TRPM1: variants seen among roughly 807,000 people sequenced by gnomAD.
TRPM1 encodes TRPM1-203 APA Isoform, Intron 10.
Under a neutral mutation model 149.4 loss-of-function variants are expected in TRPM1, and 113 were observed. The ratio of observed to expected loss-of-function variants is 0.76; its 90% CI spans 0.65 to 0.88. The LOEUF (loss-of-function observed/expected upper bound fraction) is 0.88. Ranked by LOEUF, TRPM1 falls within the 40% of genes least tolerant of loss-of-function variation. TRPM1 has a pLI of 0.00. For synonymous variants in TRPM1, 741 were observed against 759.5 expected (o/e 0.98, Z 0.40); for missense variants, 1,976 against 2,038.7 (o/e 0.97, Z 0.59).
chr15:31,113,288 C>T (rs1006171025), intron 1 of TRPM1, among the ~76,000 whole-genome samples: 2 of 152,198 alleles, frequency 1.3e-5, no homozygotes, highest in Non-Finnish European at 2.9e-5. Flanking sequence ...CCTGCTCCTC[C>T]CTAACTCTCC....
At chr15:31,159,822 C>T (rs1056164969) in intron 1 of TRPM1, among the ~76,000 whole-genome samples, 27 of 152,146 alleles carry the variant, frequency 1.8e-4, no homozygotes, top group African/African-American at 6.3e-4. Context: ...GCCTAGGGCT[C>T]TGTTTTTAGC....
chr15:31,140,098 G>A (rs1359610712), intron 1 of TRPM1, among the ~76,000 whole-genome samples: 3 of 151,998 alleles, frequency 2.0e-5, no homozygotes, highest in Admixed American at 2.0e-4. Context: ...TGGGCACGGT[G>A]GCTCATGCCT....
intron 1 of TRPM1, among the ~76,000 whole-genome samples, chr15:31,158,908 G>C (rs2036411299): frequency 6.6e-6 from 1 of 152,044 alleles, no homozygotes. Flanking sequence ...CCAAGTCTGG[G>C]TCTGTTTAGT....
chr15:31,036,672 C>G (rs2033391002), intron 20 of TRPM1, among the ~76,000 whole-genome samples: 1 of 152,236 alleles, frequency 6.6e-6, no homozygotes. Context: ...GGCTTCCTGG[C>G]CCCATCTCCG....
chr15:31,026,926 T>C lies in TRPM1; in HGVS notation c.3485A>G (p.Asp1162Gly), dbSNP rs926064262. The C allele has an allele frequency of 5.0e-6, 8 of 1,612,524 alleles. No homozygotes were observed. In the African/African-American group the frequency reaches 1.1e-4, roughly 22 times the overall value. Reference protein sequence around the residue: ...KKREGDQEERDRGLKLFLSDE... With the variant: ...KKREGDQEERGRGLKLFLSDE... ...AGCCCTGCACATACTCAATCCACGA[T>C]CCCGTTCCTCTTGGTCCCCTTCTCT... Residue 1162 changes from aspartate to glycine, a missense_variant, in exon 26 of 28, where the codon GAT (aspartate) becomes GGT (glycine). Around this residue, in one of 3 missense-constraint regions of TRPM1, gnomAD observed 572 missense variants for 578.9 expected, o/e 0.99. Transcript: ENST00000256552.
At chr15:31,102,322 G>C (rs1211837832), upstream of TRPM1, among the ~76,000 whole-genome samples, 1 of 152,224 alleles carries the variant, frequency 6.6e-6, no homozygotes, top group East Asian at 1.9e-4. Flanking sequence ...TGGATTTGCT[G>C]TAACAGTATG....
At chr15:31,065,665 G>T (rs1428036895) in intron 7 of TRPM1, among the ~76,000 whole-genome samples, 1 of 152,088 alleles carries the variant, frequency 6.6e-6, no homozygotes, top group East Asian at 1.9e-4. Flanking sequence ...TACATGAAAG[G>T]CCCAGCATTA....
chr15:31,045,786 G>T (rs1426431473), intron 16 of TRPM1, among the ~76,000 whole-genome samples: 3 of 152,206 alleles, frequency 2.0e-5, no homozygotes, highest in South Asian at 4.1e-4. Context: ...ATTAGCACCT[G>T]CTGAGAGATG....
chr15:31,100,256 T>C (rs1439051705), intron 1 of TRPM1, among the ~76,000 whole-genome samples: 2 of 151,922 alleles, frequency 1.3e-5, no homozygotes, highest in African/African-American at 4.8e-5. Context: ...TTTGTATTTT[T>C]AGTAGAGACA....
chr15:31,086,480 C>A lies in TRPM1; in HGVS notation c.-83-5042G>T, dbSNP rs562359071. 5.3e-5 allele frequency among the ~76,000 whole-genome samples: 8 copies of A among 152,338 alleles called. No homozygotes were observed. The East Asian group carries it at 1.5e-3, about 29-fold the overall frequency. On this transcript the variant is annotated intron_variant, in intron 1 of 27. Transcript: ENST00000256552. Reference sequence around the variant, plus strand: ...AGAGGGGACCCAGGCACAGCCCGGGCTTTTTGGCATCATGCTCTTTCGAGG... The same window carrying A: ...AGAGGGGACCCAGGCACAGCCCGGGATTTTTGGCATCATGCTCTTTCGAGG...
chr15:31,037,229 C>T (rs570150410), intron 20 of TRPM1, among the ~76,000 whole-genome samples: 2 of 152,212 alleles, frequency 1.3e-5, no homozygotes, highest in Admixed American at 6.5e-5. Flanking sequence ...GCCAGCCAAG[C>T]GGGTCAGTTT....
intron 24 of TRPM1, among the ~76,000 whole-genome samples, chr15:31,028,679 G>A (rs1316679577): frequency 6.6e-6 from 1 of 151,712 alleles, no homozygotes; most frequent in African/African-American, 2.4e-5. Context: ...GTGAACCCGG[G>A]AGGCAGAGCT....
intron 1 of TRPM1, among the ~76,000 whole-genome samples, chr15:31,160,664 C>T (rs566273225): frequency 6.6e-6 from 1 of 152,358 alleles, no homozygotes; most frequent in South Asian, 2.1e-4. Flanking sequence ...TTTGCCACAG[C>T]CACTCGAAGG....
chr15:31,018,251 A>G (rs139372775), intron 27 of TRPM1, among the ~76,000 whole-genome samples: 13,162 of 152,062 alleles, frequency 0.087, 840 homozygotes, highest in African/African-American at 0.18. Context: ...GGGTTTCACC[A>G]TGTTGGTCAG....
At chr15:31,041,817 G>T in intron 17 of TRPM1, 134 bp downstream of exon 17, 1 of 1,008,362 alleles carries the variant, frequency 9.9e-7, no homozygotes, top group Non-Finnish European at 1.5e-6. Context: ...TGACATGACA[G>T]ACGAAGTGAT....
At chr15:31,124,344 T>C (rs1444940866) in intron 1 of TRPM1, among the ~76,000 whole-genome samples, 1 of 152,102 alleles carries the variant, frequency 6.6e-6, no homozygotes, top group Non-Finnish European at 1.5e-5. Context: ...CCTTAAATGA[T>C]ATTGCTTAGT....
At chr15:31,015,491 A>G (rs1351215467) in intron 27 of TRPM1, among the ~76,000 whole-genome samples, 2 of 152,136 alleles carry the variant, frequency 1.3e-5, no homozygotes, top group Admixed American at 6.5e-5. Flanking sequence ...TAAAGCAAAA[A>G]ATGTTAGTTA....
At chr15:31,086,549 C>T (rs2035005049) in intron 1 of TRPM1, among the ~76,000 whole-genome samples, 1 of 152,152 alleles carries the variant, frequency 6.6e-6, no homozygotes, top group Non-Finnish European at 1.5e-5. Context: ...TGGGGGAGGC[C>T]CTGGCTTCTG....
chr15:31,148,272 C>G (rs182912203), intron 1 of TRPM1, among the ~76,000 whole-genome samples: 116 of 152,308 alleles, frequency 7.6e-4, no homozygotes, highest in Admixed American at 2.0e-3. Flanking sequence ...GACAGCAGGA[C>G]CCGGCTCCTT....
Sources: allele counts gnomAD v4.1 joint callset (sites outside exome capture counted in the v4.1 genomes callset), GRCh38; gene constraint gnomAD v4.1.1; regional missense constraint gnomAD v4.1.1; transcripts MANE v1.5; gene names NCBI Gene and HGNC (gene_info 2026-07-23, HGNC 2026-07-21).